The following RIPOR3 variants were observed in gnomAD, a reference collection of about 807,000 sequenced individuals.
The protein encoded by RIPOR3 is family with sequence similarity 65 member C.
A neutral mutation model predicts 114.3 loss-of-function variants in RIPOR3; 95 were observed. The observed-to-expected ratio is 0.83, with a 90% CI of 0.70 to 0.99. The LOEUF is 0.99. RIPOR3 is among the 50% of genes least tolerant of loss of function. The probability of loss-of-function intolerance (pLI) is 0.00; values close to 1 mark genes in which losing one functional copy is unlikely to be tolerated. For missense variants in RIPOR3, 1,252 were observed against 1,266.9 expected (o/e 0.99, Z 0.18); for synonymous variants, 575 against 543.8 (o/e 1.06, Z -0.80).
chr20:50,647,023 T>C (rs1324702095), intron 1 of RIPOR3, among the ~76,000 whole-genome samples: 5 of 152,180 alleles, frequency 3.3e-5, no homozygotes, highest in East Asian at 3.9e-4. Context: ...TTTGAGCTCA[T>C]GTGAAAAAGA....
chr20:50,625,818 T>G (rs1366427735), intron 2 of RIPOR3, among the ~76,000 whole-genome samples: 1 of 152,180 alleles, frequency 6.6e-6, no homozygotes, highest in African/African-American at 2.4e-5. Context: ...CTCATCTCTC[T>G]ATCCTCCCAC....
intron 1 of RIPOR3, among the ~76,000 whole-genome samples, chr20:50,672,470 G>C (rs978923713): frequency 5.9e-5 from 9 of 152,168 alleles, no homozygotes; most frequent in African/African-American, 2.2e-4. Flanking sequence ...TGTTCCCCAT[G>C]AGGCTGCTCT....
intron 21 of RIPOR3, 27 bp downstream of exon 21, chr20:50,587,775 C>T (rs559497808): frequency 1.2e-5 from 19 of 1,611,598 alleles, no homozygotes; most frequent in Middle Eastern, 1.7e-4. Flanking sequence ...CACCCCGCTG[C>T]GCTGCACAGT....
intron 1 of RIPOR3, among the ~76,000 whole-genome samples, chr20:50,690,556 C>G (rs1223064417): frequency 1.3e-5 from 2 of 152,186 alleles, no homozygotes; most frequent in Non-Finnish European, 2.9e-5. Flanking sequence ...TCTCCTTCAC[C>G]CCTGCTGCTT....
Position 50,587,253 on chromosome 20 carries a change from A to C in RIPOR3, c.2832T>G (p.Asp944Glu). The C allele has an allele frequency of 1.2e-6, 2 of 1,614,108 alleles. No homozygotes were observed. The highest frequency in any genetic ancestry group is 4.5e-5 in the East Asian group (2 of 44,892). The change falls in exon 22 of 22, where the codon GAT becomes GAG. Residue 944 changes from aspartate to glutamate, a missense_variant. Physicochemically the swap from Asp to Glu is conservative, Grantham distance 45. Coordinates refer to ENST00000327979, the MANE Select transcript of RIPOR3 (RefSeq NM_001290268.2). ...TTTTTTAAAATATTGTGATTTCAACATCTGCCTCCTGGCAAAAGACTTCTC... is the reference window on the plus strand; with the variant it reads ...TTTTTTAAAATATTGTGATTTCAACCTCTGCCTCCTGGCAAAAGACTTCTC... ...EQREVFCQEA[D>E]VEITIF
At chr20:50,630,990 A>G (rs2084802101) in intron 1 of RIPOR3, 134 bp from the exon 2 acceptor site, 1 of 692,108 alleles carries the variant, frequency 1.4e-6, no homozygotes, top group African/African-American at 1.8e-5. Flanking sequence ...TACTGTGCCC[A>G]GCTCACAGGT....
At position 50,592,383 on chromosome 20, in the gene RIPOR3, G is replaced by A. The variant is rs774040693; in HGVS notation, c.2538C>T (p.Arg846=). ...TPRVCRAASA[R]LAGAVRNRSF... The stretch of plus-strand genomic sequence containing the variant: ...TTCTGTTCCTGACTGCACCAGCCAG[G>A]CGAGCGCTGGCCGCCCTGCACACCC... The change falls in exon 19 of 22, where the codon CGC becomes CGT. Residue 846 remains arginine (R), a synonymous_variant. Coordinates refer to ENST00000327979, the MANE Select transcript of RIPOR3 (RefSeq NM_001290268.2). 2 of 1,605,542 alleles carry A rather than the reference G, an allele frequency of 1.2e-6. No homozygotes were observed. The highest frequency in any genetic ancestry group is 3.4e-5 in the Admixed American group (2 of 59,680).
rs542929985 is a variant in RIPOR3 at position 50,637,899 on chromosome 20, A to C, written c.4-7043T>G. Among the ~76,000 whole-genome samples, 4 of 152,014 alleles carry C rather than the reference A, an allele frequency of 2.6e-5. No homozygotes were observed. The East Asian group carries it at 7.7e-4, about 29-fold the overall frequency. On this transcript the variant is annotated intron_variant, in intron 1 of 21. Coordinates refer to ENST00000327979, the MANE Select transcript of RIPOR3 (RefSeq NM_001290268.2). ...CAAAAAAAAATTTTTTTAAATAAAT[A>C]AATACATAAATTATTATTATTATTA...
chr20:50,587,714 G>A, intron 21 of RIPOR3, 88 bp downstream of exon 21: 2 of 1,323,162 alleles, frequency 1.5e-6, no homozygotes, highest in South Asian at 1.2e-5. Flanking sequence ...GAGTTGTTCT[G>A]CCTGCTGGGA....
In RIPOR3 at chr20:50,628,138, C is replaced by T. The variant is rs367672501; in HGVS notation, c.122+2600G>A. Among the ~76,000 whole-genome samples, 19 of 152,300 alleles carry T rather than the reference C, an allele frequency of 1.2e-4. No individual in the cohort carries two copies. The East Asian group carries it at 2.9e-3, about 23-fold the overall frequency. On this transcript the variant is annotated intron_variant, in intron 2 of 21. Coordinates refer to ENST00000327979, the MANE Select transcript of RIPOR3 (RefSeq NM_001290268.2). ...TTGAGAAACAGCATCATTTCCTGGC[C>T]GGTTTATACTTAACCCCCTCTTTGC...
chr20:50,609,831 G>T (rs977623815), intron 6 of RIPOR3, 109 bp from the exon 7 acceptor site: 1 of 1,238,700 alleles, frequency 8.1e-7, no homozygotes, highest in East Asian at 3.0e-5. Context: ...TAAGCACCCC[G>T]CTAGCCCAGC....
chr20:50,676,769 C>CTTTTTT (rs1310891448), intron 1 of RIPOR3, among the ~76,000 whole-genome samples: 2 of 132,836 alleles, frequency 1.5e-5, no homozygotes, highest in Non-Finnish European at 3.2e-5. Flanking sequence ...CCAGATTCTA[C>CTTTTTT]TTTTTTTTTT....
chr20:50,680,838 G>A (rs977391939), intron 1 of RIPOR3, among the ~76,000 whole-genome samples: 12 of 152,168 alleles, frequency 7.9e-5, no homozygotes, highest in African/African-American at 2.7e-4. Flanking sequence ...AGTGTGAGTG[G>A]CATTGATACC....
intron 19 of RIPOR3, 33 bp downstream of exon 19, chr20:50,592,311 G>A (rs755377033): frequency 4.0e-6 from 6 of 1,517,634 alleles, no homozygotes; most frequent in Admixed American, 2.0e-5. Context: ...CACATCTGTG[G>A]CCAGGGTCTG....
rs1029273818 is a variant in RIPOR3 at position 50,630,747 on chromosome 20, C to T, written c.113G>A (p.Arg38Gln). Residue 38 changes from arginine to glutamine, a missense_variant, in exon 2 of 22, where the codon CGG becomes CAG. By Grantham distance (43) the Arg-to-Gln change is conservative. Transcript: ENST00000327979. Reference protein sequence around the residue: ...SFAGFSSAQSRRIAKSINRNS... With the variant: ...SFAGFSSAQSQRIAKSINRNS... ...CACGGGGGGAACTTACGCGATCCTC[C>T]GGCTCTGTGCACTGCTGAAGCCTGC... is the stretch of plus-strand genomic sequence containing the variant. 10 of 1,609,166 alleles carry T rather than the reference C, an allele frequency of 6.2e-6. No homozygotes were observed. Among genetic ancestry groups the T allele is most frequent in the South Asian group, 2.2e-5 (2 of 90,292 alleles).
At position 50,602,059 on chromosome 20, in the gene RIPOR3, G is replaced by T; in HGVS notation, c.1659+13C>A. The T allele has an allele frequency of 6.6e-7, 1 of 1,508,344 alleles. No homozygotes were observed. The highest frequency in any genetic ancestry group is 8.8e-7 in the Non-Finnish European group (1 of 1,130,652). The allele number at this position is 1,508,344 out of a possible 1,614,324, so 93.4% of individuals were successfully genotyped here. On this transcript the variant is annotated intron_variant, in intron 13 of 21. Coordinates refer to ENST00000327979, the MANE Select transcript of RIPOR3 (RefSeq NM_001290268.2). This position sits in a 1 kb window ranked among gnomAD's most constrained non-coding sequence, Gnocchi z 4.3. ...GCAAAGCAGGGCCACCGCCCGGGGCGGGGTGGCCATACCTTCAGCCGGTCC... is the reference window on the plus strand; with the variant it reads ...GCAAAGCAGGGCCACCGCCCGGGGCTGGGTGGCCATACCTTCAGCCGGTCC...
intron 1 of RIPOR3, among the ~76,000 whole-genome samples, chr20:50,678,571 TA>T (rs1204886559): frequency 6.6e-6 from 1 of 152,224 alleles, no homozygotes; most frequent in African/African-American, 2.4e-5. Context: ...AGCTACAGGT[TA>T]TTCAATGCAG....
intron 2 of RIPOR3, among the ~76,000 whole-genome samples, chr20:50,626,529 A>G (rs1419190428): frequency 6.6e-6 from 1 of 152,218 alleles, no homozygotes; most frequent in African/African-American, 2.4e-5. Flanking sequence ...GGAAGGGGCC[A>G]ACGAGAGGCA....
intron 1 of RIPOR3, among the ~76,000 whole-genome samples, chr20:50,635,316 A>G (rs2084946092): frequency 1.3e-5 from 2 of 152,180 alleles, no homozygotes; most frequent in South Asian, 2.1e-4. Context: ...TCCCAACACC[A>G]TATGAGACAA....
Sources: gnomAD v4.1 joint callset for allele counts (sites outside exome capture counted in the v4.1 genomes callset) on GRCh38, gnomAD v4.1.1 for gene constraint, Gnocchi (gnomAD v3.1) non-coding constraint, MANE v1.5 for transcripts, NCBI Gene and HGNC (gene_info 2026-07-23, HGNC 2026-07-21) for gene names.